ADAM12: variants seen among roughly 807,000 people sequenced by gnomAD.
The protein encoded by ADAM12 is disintegrin and metalloproteinase domain-containing protein 12.
A neutral mutation model predicts 106.4 loss-of-function variants in ADAM12; 70 were observed. The ratio of observed to expected loss-of-function variants is 0.66; its 90% confidence interval spans 0.54 to 0.80. ADAM12 has a LOEUF of 0.80. Among genes scored for constraint, ADAM12 ranks in the 30% least tolerant of loss-of-function variants. The pLI, the probability that ADAM12 is intolerant of heterozygous loss-of-function variation, is 0.00. For synonymous variants in ADAM12, 420 were observed against 433.5 expected (o/e 0.97, Z 0.39); for missense variants, 1,010 against 1,171.9 (o/e 0.86, Z 2.02).
At chr10:126,128,369 C>T (rs534306632) in intron 5 of ADAM12, among the ~76,000 whole-genome samples, 25 of 152,318 alleles carry the variant, frequency 1.6e-4, no homozygotes, top group Non-Finnish European at 3.1e-4. Context: ...GGTTGGGAAA[C>T]GAACTCCAGG....
chr10:126,199,460 T>C (rs886165482), intron 3 of ADAM12, among the ~76,000 whole-genome samples: 2 of 152,166 alleles, frequency 1.3e-5, no homozygotes, highest in Non-Finnish European at 2.9e-5. Context: ...TATTGTCAAG[T>C]TCGCAGCCCC....
At chr10:126,144,428 T>C (rs546766295) in intron 4 of ADAM12, among the ~76,000 whole-genome samples, 2 of 152,212 alleles carry the variant, frequency 1.3e-5, no homozygotes, top group Non-Finnish European at 2.9e-5. Flanking sequence ...GTAAGCTCTA[T>C]TTTCCACTTG....
intron 1 of ADAM12, among the ~76,000 whole-genome samples, chr10:126,382,679 G>A (rs181090967): frequency 5.9e-5 from 9 of 152,192 alleles, no homozygotes; most frequent in South Asian, 2.1e-4. Context: ...TTAATGCCCC[G>A]TTATTAAATA....
At chr10:126,120,978 C>CATATGT (rs1565073625) in intron 5 of ADAM12, among the ~76,000 whole-genome samples, 6 of 31,044 alleles carry the variant, frequency 1.9e-4, no homozygotes, top group African/African-American at 4.7e-4. Flanking sequence ...ATTACATATG[C>CATATGT]AATATAGCAT....
intron 3 of ADAM12, among the ~76,000 whole-genome samples, chr10:126,180,319 G>A (rs1011134277): frequency 1.3e-5 from 2 of 152,158 alleles, no homozygotes; most frequent in Admixed American, 6.5e-5. Context: ...AGACCTTTCC[G>A]AGTATTCTGC....
At chr10:126,195,187 A>T (rs898742195) in intron 3 of ADAM12, among the ~76,000 whole-genome samples, 2 of 152,222 alleles carry the variant, frequency 1.3e-5, no homozygotes, top group African/African-American at 4.8e-5. Context: ...CAATATGGTA[A>T]CTACAGTTAA....
chr10:126,232,008 T>A (rs750779679), intron 3 of ADAM12, among the ~76,000 whole-genome samples: 1 of 152,200 alleles, frequency 6.6e-6, no homozygotes, highest in Non-Finnish European at 1.5e-5. Context: ...TTTATATAAC[T>A]GAAAGGAATT....
rs200662581 is a variant in ADAM12 at position 126,019,284 on chromosome 10, CTCTTT to C, written c.2660+406_2660+410del. ...CTACAGAACTGTGAGCCAATTGAAC[CTCTTT>C]TCTTTAGGAATTACCCAGTCTTCGA... On this transcript the variant is annotated intron_variant, in intron 22 of 22. Coordinates refer to ENST00000448723, the MANE Select transcript of ADAM12 (RefSeq NM_001288973.2). 6.5e-3 allele frequency among the ~76,000 whole-genome samples: 986 copies of C among 152,298 alleles called. 11 individuals are homozygous for C. The highest frequency in any genetic ancestry group is 0.022 in the African/African-American group (931 of 41,556).
chr10:126,076,207 G>T (rs1418652962), intron 11 of ADAM12, among the ~76,000 whole-genome samples: 2 of 152,204 alleles, frequency 1.3e-5, no homozygotes, highest in Admixed American at 1.3e-4. Flanking sequence ...GCACTAATTT[G>T]CTTAGGATAA....
At chr10:126,132,648 C>T (rs1267287714) in intron 5 of ADAM12, among the ~76,000 whole-genome samples, 1 of 151,956 alleles carries the variant, frequency 6.6e-6, no homozygotes, top group African/African-American at 2.4e-5. Flanking sequence ...ACTGTTTCTC[C>T]CCTGGCACCC....
In ADAM12 at chr10:126,044,659, G is replaced by T. The variant is rs1239998044; in HGVS notation, c.1995+1396C>A. Reference sequence around the variant, plus strand: ...GTAGAGTATATGTCTCCCATGTAATGCTTTCCTGCTTCAACCGACTTGTTT... The same window carrying T: ...GTAGAGTATATGTCTCCCATGTAATTCTTTCCTGCTTCAACCGACTTGTTT... On this transcript the variant is annotated intron_variant, in intron 17 of 22. Coordinates refer to ENST00000448723, the MANE Select transcript of ADAM12 (RefSeq NM_001288973.2). Among the ~76,000 whole-genome samples, 3 of 152,222 alleles carry T rather than the reference G, an allele frequency of 2.0e-5. No individual in the cohort carries two copies. The East Asian group carries it at 5.8e-4, about 29-fold the overall frequency.
intron 5 of ADAM12, among the ~76,000 whole-genome samples, chr10:126,130,743 G>A (rs184231008): frequency 5.9e-5 from 9 of 152,332 alleles, no homozygotes; most frequent in African/African-American, 2.2e-4. Context: ...GGCTGGCCTG[G>A]GAAGAGGGAT....
At chr10:126,103,562 T>A (rs1190841772) in intron 8 of ADAM12, among the ~76,000 whole-genome samples, 1 of 152,212 alleles carries the variant, frequency 6.6e-6, no homozygotes, top group African/African-American at 2.4e-5. Flanking sequence ...AGATTGCAAC[T>A]CCATGGCTGG....
intron 21 of ADAM12, among the ~76,000 whole-genome samples, chr10:126,028,275 A>G (rs1160867415): frequency 6.6e-6 from 1 of 152,198 alleles, no homozygotes; most frequent in East Asian, 1.9e-4. Flanking sequence ...TGCTATCCCC[A>G]TCAAACTACT....
At chr10:126,265,611 C>A (rs1230748101) in intron 3 of ADAM12, among the ~76,000 whole-genome samples, 1 of 152,156 alleles carries the variant, frequency 6.6e-6, no homozygotes, top group Non-Finnish European at 1.5e-5. Context: ...TCTGCACAAG[C>A]CTGTACACTG....
chr10:126,124,669 G>A (rs372562802), intron 5 of ADAM12, among the ~76,000 whole-genome samples: 33 of 152,104 alleles, frequency 2.2e-4, no homozygotes, highest in East Asian at 1.9e-3. Flanking sequence ...GAGACTGGCA[G>A]ATCACTTGAG....
chr10:126,272,292 G>A lies in ADAM12; in HGVS notation c.260+6623C>T, dbSNP rs150071118. On this transcript the variant is annotated intron_variant, in intron 3 of 22. Transcript: ENST00000448723. Reference sequence around the variant, plus strand: ...CAGGTGAAGAAGTGAATGAGCAAGTGATTTAACACATCAATAAAGATTAAT... The same window carrying A: ...CAGGTGAAGAAGTGAATGAGCAAGTAATTTAACACATCAATAAAGATTAAT... Among the ~76,000 whole-genome samples the A allele has an allele frequency of 6.3e-3, 965 of 152,274 alleles. 6 individuals are homozygous for A. The highest frequency in any genetic ancestry group is 0.017 in the Middle Eastern group (5 of 294).
chr10:126,058,661 A>C (rs1954685630), intron 14 of ADAM12, among the ~76,000 whole-genome samples: 1 of 152,204 alleles, frequency 6.6e-6, no homozygotes, highest in South Asian at 2.1e-4. Flanking sequence ...GCCCGCAGAC[A>C]ACTCTCTGCG....
rs543154369 is a variant in ADAM12, at chr10:126,331,872, C to T, written c.89-1363G>A. ...GGCTCTGATGGTGATATCTGTGACA[C>T]CCGTGAACGGCTGCTTGGAGGTGAA... On this transcript the variant is annotated intron_variant, in intron 1 of 22. Coordinates refer to ENST00000448723, the MANE Select transcript of ADAM12 (RefSeq NM_001288973.2). Among the ~76,000 whole-genome samples the T allele has an allele frequency of 2.0e-5, 3 of 152,248 alleles. No individual in the cohort carries two copies. The East Asian group carries it at 5.8e-4, about 29-fold the overall frequency.
Sources: allele counts gnomAD v4.1 joint callset (sites outside exome capture counted in the v4.1 genomes callset), GRCh38; gene constraint gnomAD v4.1.1; transcripts MANE v1.5; gene names NCBI Gene and HGNC (gene_info 2026-07-23, HGNC 2026-07-21).